Variants in KRT27 observed in about 807,000 individuals in gnomAD.
KRT27 encodes keratin, type I cytoskeletal 27.
In KRT27, 30 loss-of-function variants were observed where a neutral mutation model predicts 45.3. The observed-to-expected ratio is 0.66, with a 90% CI of 0.50 to 0.90. The LOEUF is 0.90. Among genes scored for constraint, KRT27 ranks in the 40% least tolerant of loss-of-function variants. The pLI is 0.00. For missense variants in KRT27, 610 were observed against 564.3 expected (o/e 1.08, Z -0.82); for synonymous variants, 204 against 223.9 (o/e 0.91, Z 0.79).
intron 5 of KRT27, chr17:40,778,035 G>A (rs1010569175): frequency 3.0e-6 from 1 of 328,600 alleles, no homozygotes; most frequent in Non-Finnish European, 5.6e-6. Context: ...TATAGCCTGT[G>A]CTTGTAGAGT....
chr17:40,779,951 A>G, intron 3 of KRT27, 90 bp from the exon 4 acceptor site: 2 of 1,402,468 alleles, frequency 1.4e-6, no homozygotes, highest in Non-Finnish European at 9.6e-7. Context: ...GCCTAGGCTG[A>G]AATGCAGTGG....
At position 40,779,882 on chromosome 17, in the gene KRT27, G is replaced by A. The variant is rs1177333146; in HGVS notation, c.685-21C>T. The A allele has an allele frequency of 3.8e-6, 6 of 1,594,832 alleles. No homozygotes were observed. In the African/African-American group the frequency reaches 5.4e-5, roughly 14 times the overall value. ...ATTTCCTGAAAGATATTTGTTTAAC[G>A]GAATTAGGATCTGAATATTTTATTT... On this transcript the variant is annotated intron_variant, in intron 3 of 7. Coordinates refer to ENST00000301656, the MANE Select transcript of KRT27 (RefSeq NM_181537.4).
intron 5 of KRT27, among the ~76,000 whole-genome samples, 191 bp downstream of exon 5, chr17:40,779,311 A>G (rs2038289215): frequency 6.6e-6 from 1 of 152,230 alleles, no homozygotes; most frequent in Admixed American, 6.5e-5. Flanking sequence ...CTAATATTTC[A>G]TAATTATTGG....
At chr17:40,781,800 A>C (rs963564646) in intron 1 of KRT27, among the ~76,000 whole-genome samples, 3 of 152,216 alleles carry the variant, frequency 2.0e-5, no homozygotes, top group African/African-American at 7.2e-5. Flanking sequence ...CTATAAATAT[A>C]TAACTGGAGA....
rs1469961969 is a variant in KRT27, at chr17:40,782,413, T to TC, written c.80dup (p.Ala28SerfsTer49). 3 of 1,612,472 alleles carry TC rather than the reference T, an allele frequency of 1.9e-6. No individual in the cohort carries two copies. Among genetic ancestry groups the TC allele is most frequent in the Non-Finnish European group, 2.5e-6 (3 of 1,179,456 alleles). ...ATGTGTTTCCAGCCCCAAAGCCTGCTCCCCCACTAGAGAGCCTCACAGAGC... is the reference window on the plus strand; with the variant it reads ...ATGTGTTTCCAGCCCCAAAGCCTGCTCCCCCCACTAGAGAGCCTCACAGAGC... On this transcript the variant is annotated frameshift_variant, in exon 1 of 8. Coordinates refer to ENST00000301656, the MANE Select transcript of KRT27 (RefSeq NM_181537.4). LOFTEE classifies it high-confidence loss of function.
In KRT27 at chr17:40,777,010, C is replaced by A. The variant is rs376180518; in HGVS notation, c.1369G>T (p.Val457Leu). 2 of 1,611,364 alleles carry A rather than the reference C, an allele frequency of 1.2e-6. No homozygotes were observed. The highest frequency in any genetic ancestry group is 2.2e-5 in the East Asian group (1 of 44,790). Residue 457 changes from valine (V) to leucine (L), a missense_variant, in exon 8 of 8, where the codon GTG becomes TTG. Coordinates refer to ENST00000301656, the MANE Select transcript of KRT27 (RefSeq NM_181537.4). ...TKVNNKNEQRVSS is the reference protein window; with the variant it reads ...TKVNNKNEQRLSS ...TCAGAGGCTGGAGTTCAGGAAGACACCCTCTGTTCATTCTTGTTGTTGACT... is the reference window on the plus strand; with the variant it reads ...TCAGAGGCTGGAGTTCAGGAAGACAACCTCTGTTCATTCTTGTTGTTGACT...
Position 40,777,702 on chromosome 17 carries a change from T to C in KRT27, c.1003A>G (p.Thr335Ala), listed in dbSNP as rs750470402. 3 of 1,614,168 alleles carry C rather than the reference T, an allele frequency of 1.9e-6. No homozygotes were observed. The highest frequency in any genetic ancestry group is 2.5e-6 in the Non-Finnish European group (3 of 1,180,038). Residue 335 changes from threonine (T) to alanine (A), a missense_variant, in exon 6 of 8, where the codon ACC becomes GCC. Physicochemically the swap from Thr to Ala is moderately conservative, Grantham distance 58. Coordinates refer to ENST00000301656, the MANE Select transcript of KRT27 (RefSeq NM_181537.4). The part of the protein sequence containing the change: ...KHSLECSLTE[T>A]ESNYCAQLAQ... ...AGCTGTGCACAGTAGTTACTCTCGG[T>C]CTCTGTCAAGGAGCACTCCAGGGAG...
Position 40,781,267 on chromosome 17 carries a change from T to G in KRT27, c.448A>C (p.Ile150Leu). 1 of 1,595,212 alleles carries G rather than the reference T, an allele frequency of 6.3e-7. No homozygotes were observed. The highest frequency in any genetic ancestry group is 8.6e-7 in the Non-Finnish European group (1 of 1,164,894). The change falls in exon 2 of 8, where the codon ATT becomes CTT. Residue 150 changes from isoleucine to leucine, a missense_variant. Physicochemically the swap from Ile to Leu is conservative, Grantham distance 5. Transcript: ENST00000301656. Reference sequence around the variant, plus strand: ...TGGGCATTACTGGTAGTTGCAGAAATTATCTGACAAATGAAAAGTTAGTTA... The same window carrying G: ...TGGGCATTACTGGTAGTTGCAGAAAGTATCTGACAAATGAAAAGTTAGTTA... The part of the protein sequence containing the change: ...PIIDELKNQI[I>L]SATTSNAHVV...
intron 5 of KRT27, among the ~76,000 whole-genome samples, chr17:40,778,837 T>C (rs1272495401): frequency 1.5e-5 from 2 of 129,752 alleles, no homozygotes. Context: ...GTAGGATTTT[T>C]TTTCTTTTTT....
Position 40,782,456 on chromosome 17 carries a change from C to A in KRT27, c.38G>T (p.Gly13Val). 3 of 1,601,088 alleles carry A rather than the reference C, an allele frequency of 1.9e-6. No individual in the cohort carries two copies. Among genetic ancestry groups the A allele is most frequent in the Non-Finnish European group, 2.6e-6 (3 of 1,173,778 alleles). Residue 13 changes from glycine (G) to valine (V), a missense_variant, in exon 1 of 8, where the codon GGC becomes GTC. Gly to Val is a moderately radical substitution (Grantham distance 109). Coordinates refer to ENST00000301656, the MANE Select transcript of KRT27 (RefSeq NM_181537.4). ...CACAGAGCCAGTGCCCCCGCAAGAG[C>A]CAAGTCTCCTGGAGGTAGAAGAAAA... Reference protein sequence around the residue: ...VRFSSTSRRLGSCGGTGSVRL... With the variant: ...VRFSSTSRRLVSCGGTGSVRL...
chr17:40,776,924 G>T lies in KRT27; in HGVS notation c.*75C>A. 7.4e-7 allele frequency: 1 copy of T among 1,353,394 alleles called. No individual in the cohort carries two copies. Among genetic ancestry groups the T allele is most frequent in the South Asian group, 1.4e-5 (1 of 71,682 alleles). The allele number at this position is 1,353,394 out of a possible 1,614,324, so 83.8% of individuals were successfully genotyped here. On this transcript the variant is annotated 3_prime_UTR_variant, in exon 8 of 8. Coordinates refer to ENST00000301656, the MANE Select transcript of KRT27 (RefSeq NM_181537.4). Reference sequence around the variant, plus strand: ...CATTGGAAGAAAAGCAGAAAAATAAGGGGACCCTTATTTAGGAAACTAGCT... The same window carrying T: ...CATTGGAAGAAAAGCAGAAAAATAATGGGACCCTTATTTAGGAAACTAGCT...
intron 5 of KRT27, among the ~76,000 whole-genome samples, chr17:40,778,458 A>C (rs1020898521): frequency 3.3e-5 from 5 of 152,166 alleles, no homozygotes; most frequent in Admixed American, 3.3e-4. Context: ...TAGACTTGGG[A>C]GTTAGAAAAT....
intron 2 of KRT27, 83 bp from the exon 3 acceptor site, chr17:40,780,539 G>T: frequency 7.7e-7 from 1 of 1,306,368 alleles, no homozygotes; most frequent in Non-Finnish European, 1.1e-6. Flanking sequence ...CTCAGACTAA[G>T]CTTTGAGGTA....
chr17:40,777,496 C>G lies in KRT27; in HGVS notation c.1190+19G>C. On this transcript the variant is annotated intron_variant, in intron 6 of 7. Coordinates refer to ENST00000301656, the MANE Select transcript of KRT27 (RefSeq NM_181537.4). ...TAACCTTAAAAATGAATTGTTTTCT[C>G]AATGGCGGCAATACTGACCCATCTT... The G allele has an allele frequency of 6.2e-7, 1 of 1,611,570 alleles. No individual in the cohort carries two copies.
At chr17:40,780,656 C>G (rs1321840085) in intron 2 of KRT27, among the ~76,000 whole-genome samples, 200 bp from the exon 3 acceptor site, 1 of 151,338 alleles carries the variant, frequency 6.6e-6, no homozygotes, top group Non-Finnish European at 1.5e-5. Context: ...GTCAGGAGAT[C>G]GAGATCACGG....
chr17:40,777,449 C>T (rs1241716143), intron 6 of KRT27, 66 bp downstream of exon 6: 4 of 1,581,206 alleles, frequency 2.5e-6, no homozygotes, highest in Non-Finnish European at 2.6e-6. Context: ...ATATTTTGTA[C>T]TTGATTTCAA....
At position 40,782,033 on chromosome 17, in the gene KRT27, GC is replaced by G. The variant is rs1435381026; in HGVS notation, c.444+16del. 7.5e-6 allele frequency: 12 copies of G among 1,597,894 alleles called. No individual in the cohort carries two copies. The highest frequency in any genetic ancestry group is 1.0e-5 in the Non-Finnish European group (12 of 1,175,614). On this transcript the variant is annotated intron_variant, in intron 1 of 7. Coordinates refer to ENST00000301656, the MANE Select transcript of KRT27 (RefSeq NM_181537.4). Reference sequence around the variant, plus strand: ...CACTCTCAGGAGTGCTAACACTCACGCCATGGCGTTTCTTACCTGGTTCTTA... The same window carrying G: ...CACTCTCAGGAGTGCTAACACTCACGCATGGCGTTTCTTACCTGGTTCTTA...
At chr17:40,780,520 A>C in intron 2 of KRT27, 64 bp from the exon 3 acceptor site, 2 of 1,432,730 alleles carry the variant, frequency 1.4e-6, no homozygotes, top group Non-Finnish European at 1.9e-6. Context: ...TTTTTAGATC[A>C]TCATACAACT....
chr17:40,777,096 A>G lies in KRT27; in HGVS notation c.1283T>C (p.Ile428Thr). 1 of 1,614,106 alleles carries G rather than the reference A, an allele frequency of 6.2e-7. No homozygotes were observed. Among genetic ancestry groups the G allele is most frequent in the Non-Finnish European group, 8.5e-7 (1 of 1,179,946 alleles). Residue 428 changes from isoleucine to threonine, a missense_variant, in exon 8 of 8, where the codon ATA (isoleucine) becomes ACA (threonine). Ile to Thr is a moderately conservative substitution (Grantham distance 89). Transcript: ENST00000301656. ...TGAGAGAACTTTGCCACGAGGATCT[A>G]TCTCTTCAACAACTGTTTTGACAAT... is the stretch of plus-strand genomic sequence containing the variant. ...TTIVKTVVEEIDPRGKVLSSR... is the reference protein window; with the variant it reads ...TTIVKTVVEETDPRGKVLSSR...
Sources: allele counts gnomAD v4.1 joint callset (sites outside exome capture counted in the v4.1 genomes callset), GRCh38; gene constraint gnomAD v4.1.1; transcripts MANE v1.5; gene names NCBI Gene and HGNC (gene_info 2026-07-23, HGNC 2026-07-21).